TPT1: variants seen among roughly 807,000 people sequenced by gnomAD.
TPT1 encodes translationally-controlled tumor protein.
TPT1 carries 5 observed loss-of-function variants against 22.8 expected under a neutral mutation model. The ratio of observed to expected loss-of-function variants is 0.22; its 90% CI spans 0.11 to 0.46. The LOEUF is 0.46. TPT1 is among the 20% of genes least tolerant of loss of function. The pLI, the probability that TPT1 is intolerant of heterozygous loss-of-function variation, is 0.99. For synonymous variants in TPT1, 89 were observed against 73.6 expected (o/e 1.21, Z -1.07); for missense variants, 130 against 218.7 (o/e 0.59, Z 2.56).
In TPT1 at chr13:45,338,603, T is replaced by C. The variant is rs774023936; in HGVS notation, c.516+57A>G. ...CTCAGTGTCACAAAACAATTGCAAA[T>C]CACATCTAAAATGTCTTTTTTACAT... On this transcript the variant is annotated intron_variant, in intron 5 of 5. Coordinates refer to ENST00000530705, the MANE Select transcript of TPT1 (RefSeq NM_003295.4). The C allele has an allele frequency of 4.4e-6, 7 of 1,587,502 alleles. No homozygotes were observed. In the South Asian group the frequency reaches 8.1e-5, roughly 18 times the overall value.
Position 45,338,780 on chromosome 13 carries a change from G to A in TPT1, c.400-4C>T, listed in dbSNP as rs1463824117. ...TCATGTTTTCACCAATAAAGAACTT[G>A]GGAAGCAAACAAAATACCTAGAATT... On this transcript the variant is annotated splice_region_variant and splice_polypyrimidine_tract_variant and intron_variant, in intron 4 of 5. Coordinates refer to ENST00000530705, the MANE Select transcript of TPT1 (RefSeq NM_003295.4). 5.1e-6 allele frequency: 8 copies of A among 1,576,672 alleles called. No homozygotes were observed. The highest frequency in any genetic ancestry group is 4.1e-5 in the Admixed American group (2 of 49,336).
intron 3 of TPT1, 42 bp downstream of exon 3, chr13:45,339,952 T>A: frequency 6.3e-7 from 1 of 1,599,914 alleles, no homozygotes; most frequent in Non-Finnish European, 8.5e-7. Context: ...TTAAATCCTG[T>A]AAGATTCTAG....
At chr13:45,340,460 GA>G (rs895228727) in intron 2 of TPT1, 2 of 736,890 alleles carry the variant, frequency 2.7e-6, no homozygotes, top group Admixed American at 2.0e-5. Context: ...GGACAAACAC[GA>G]AAGGACTCCA....
chr13:45,340,487 A>G (rs1473550214), intron 2 of TPT1: 1 of 746,506 alleles, frequency 1.3e-6, no homozygotes, highest in East Asian at 2.7e-5. Flanking sequence ...CTAAGCCGGA[A>G]GCATCATGTC....
intron 2 of TPT1, 41 bp from the exon 3 acceptor site, chr13:45,340,225 C>G (rs563766469): frequency 6.3e-7 from 1 of 1,585,208 alleles, no homozygotes; most frequent in Non-Finnish European, 8.6e-7. Context: ...AAGACACAAA[C>G]GCATCCAAAG....
chr13:45,339,385 G>A, intron 4 of TPT1, 112 bp downstream of exon 4: 3 of 862,496 alleles, frequency 3.5e-6, no homozygotes, highest in Non-Finnish European at 3.4e-6. Context: ...AGCTGGGAAA[G>A]CCACTTTCTA....
In TPT1 at chr13:45,335,473, C is replaced by G. The variant is rs1395838777; in HGVS notation, c.*1913G>C. ...GTTTCAGGCTTCCAAGGCTAGTTCA[C>G]CAATTAGCTTCCATCTCTCACCTCA... On this transcript the variant is annotated 3_prime_UTR_variant, in exon 6 of 6. Coordinates refer to ENST00000530705, the MANE Select transcript of TPT1 (RefSeq NM_003295.4). 1 of 152,204 alleles carries G rather than the reference C, an allele frequency of 6.6e-6. No individual in the cohort carries two copies. The highest frequency in any genetic ancestry group is 2.4e-5 in the African/African-American group (1 of 41,434). The allele number at this position is 152,204 out of a possible 1,614,324, so 9.4% of individuals were successfully genotyped here. A position where few individuals can be genotyped will look rare whatever the true frequency, so the allele number is the denominator to read the frequency against.
In TPT1 at chr13:45,334,015, C is replaced by G. The variant is rs949819764; in HGVS notation, c.*3371G>C. 6.6e-6 allele frequency: 1 copy of G among 152,198 alleles called. No homozygotes were observed. The highest frequency in any genetic ancestry group is 2.4e-5 in the African/African-American group (1 of 41,428). 9.4% of individuals were successfully genotyped at this position (152,198 alleles called of 1,614,324 possible). A position where few individuals can be genotyped will look rare whatever the true frequency, so the allele number is the denominator to read the frequency against. ...AGTGCAGTGGTATGATCACAGCTCA[C>G]TGCACCCTCAATCTCTCGGACTCAA... is the stretch of plus-strand genomic sequence containing the variant. On this transcript the variant is annotated 3_prime_UTR_variant, in exon 6 of 6. Transcript: ENST00000530705.
rs1311358980 is a variant in TPT1, at chr13:45,335,343, A to G, written c.*2043T>C. On this transcript the variant is annotated 3_prime_UTR_variant, in exon 6 of 6. Coordinates refer to ENST00000530705, the MANE Select transcript of TPT1 (RefSeq NM_003295.4). Reference sequence around the variant, plus strand: ...TCTGGATGTTGGGAAAACAGCTAAGAGCACTGAAAGGACAACTGGGGAAAT... The same window carrying G: ...TCTGGATGTTGGGAAAACAGCTAAGGGCACTGAAAGGACAACTGGGGAAAT... 4 of 152,222 alleles carry G rather than the reference A, an allele frequency of 2.6e-5. No individual in the cohort carries two copies. The highest frequency in any genetic ancestry group is 5.9e-5 in the Non-Finnish European group (4 of 68,044). 9.4% of individuals were successfully genotyped at this position (152,222 alleles called of 1,614,324 possible).
In TPT1 at chr13:45,334,362, T is replaced by C. The variant is rs927073160; in HGVS notation, c.*3024A>G. ...CAATCTCATGTTGGAATGCAGTCTATCCTCTCTCCAAATGACCTTATCCTG... is the reference window on the plus strand; with the variant it reads ...CAATCTCATGTTGGAATGCAGTCTACCCTCTCTCCAAATGACCTTATCCTG... On this transcript the variant is annotated 3_prime_UTR_variant, in exon 6 of 6. Transcript: ENST00000530705. 6.6e-6 allele frequency: 1 copy of C among 152,262 alleles called. No homozygotes were observed. Among genetic ancestry groups the C allele is most frequent in the African/African-American group, 2.4e-5 (1 of 41,470 alleles). 9.4% of individuals were successfully genotyped at this position (152,262 alleles called of 1,614,324 possible).
At position 45,334,677 on chromosome 13, in the gene TPT1, T is replaced by C. The variant is rs978474660; in HGVS notation, c.*2709A>G. ...CACTATCTTTGCCTTAAAAACACATTATACACAATTATTCTATGCTTTTAC... is the reference window on the plus strand; with the variant it reads ...CACTATCTTTGCCTTAAAAACACATCATACACAATTATTCTATGCTTTTAC... On this transcript the variant is annotated 3_prime_UTR_variant, in exon 6 of 6. Coordinates refer to ENST00000530705, the MANE Select transcript of TPT1 (RefSeq NM_003295.4). 6.6e-6 allele frequency: 1 copy of C among 152,158 alleles called. No individual in the cohort carries two copies. The highest frequency in any genetic ancestry group is 1.9e-4 in the East Asian group (1 of 5,200). 9.4% of individuals were successfully genotyped at this position (152,158 alleles called of 1,614,324 possible).
chr13:45,340,562 C>T (rs763029410), intron 2 of TPT1, 150 bp downstream of exon 2: 4 of 989,506 alleles, frequency 4.0e-6, no homozygotes, highest in Non-Finnish European at 4.6e-6. Flanking sequence ...TCAGCTCCGC[C>T]TCCAGTTTTC....
intron 1 of TPT1, 84 bp downstream of exon 1, chr13:45,340,958 C>T: frequency 6.4e-7 from 1 of 1,552,792 alleles, no homozygotes; most frequent in East Asian, 2.4e-5. Context: ...GTCCCCTAGG[C>T]CCGCGACGGC....
intron 4 of TPT1, 106 bp downstream of exon 4, chr13:45,339,389 CTT>C: frequency 1.1e-6 from 1 of 935,020 alleles, no homozygotes; most frequent in Non-Finnish European, 1.5e-6. Context: ...GGGAAAGCCA[CTT>C]TCTACACCTG....
Position 45,334,919 on chromosome 13 carries a change from A to G in TPT1, c.*2467T>C, listed in dbSNP as rs1185400531. On this transcript the variant is annotated 3_prime_UTR_variant, in exon 6 of 6. Transcript: ENST00000530705. Reference sequence around the variant, plus strand: ...ACTAACTGCTGTTGTCTTGGCCTGGAATGGTTTGTCCTGATATCCACATGG... The same window carrying G: ...ACTAACTGCTGTTGTCTTGGCCTGGGATGGTTTGTCCTGATATCCACATGG... The G allele has an allele frequency of 3.9e-5, 6 of 152,246 alleles. No individual in the cohort carries two copies. The allele number at this position is 152,246 out of a possible 1,614,324, so 9.4% of individuals were successfully genotyped here. A position where few individuals can be genotyped will look rare whatever the true frequency, so the allele number is the denominator to read the frequency against.
chr13:45,341,009 T>A, intron 1 of TPT1, 33 bp downstream of exon 1: 1 of 1,597,886 alleles, frequency 6.3e-7, no homozygotes, highest in South Asian at 1.1e-5. Flanking sequence ...GACCCCCGTG[T>A]GCGGCAGTAA....
rs759006009 is a variant in TPT1, at chr13:45,341,100, C to T, written c.-31G>A. On this transcript the variant is annotated 5_prime_UTR_variant, in exon 1 of 6. Coordinates refer to ENST00000530705, the MANE Select transcript of TPT1 (RefSeq NM_003295.4). Reference sequence around the variant, plus strand: ...CGACTGAAGGGAGACGACGACGGCGCTAGCTTAGCACGAGCCTGAAACTCG... The same window carrying T: ...CGACTGAAGGGAGACGACGACGGCGTTAGCTTAGCACGAGCCTGAAACTCG... 1.5e-5 allele frequency: 24 copies of T among 1,611,720 alleles called. No individual in the cohort carries two copies. In the East Asian group the frequency reaches 4.7e-4, roughly 31 times the overall value.
chr13:45,338,903 C>A, intron 4 of TPT1, 127 bp from the exon 5 acceptor site: 1 of 694,958 alleles, frequency 1.4e-6, no homozygotes, highest in Non-Finnish European at 2.3e-6. Context: ...CCCAAAAGCT[C>A]TGATGCTCAC....
At chr13:45,337,814 G>T (rs1469570952) in intron 5 of TPT1, among the ~76,000 whole-genome samples, 1 of 152,142 alleles carries the variant, frequency 6.6e-6, no homozygotes, top group African/African-American at 2.4e-5. Context: ...TCCTTATACA[G>T]AAGCCTATGA....
Sources: allele counts gnomAD v4.1 joint callset (sites outside exome capture counted in the v4.1 genomes callset), GRCh38; gene constraint gnomAD v4.1.1; transcripts MANE v1.5; gene names NCBI Gene and HGNC (gene_info 2026-07-23, HGNC 2026-07-21).